The following SNX25 variants were observed in gnomAD, a reference collection of about 807,000 sequenced individuals.
SNX25 encodes the protein sorting nexin-25.
A neutral mutation model predicts 113.7 loss-of-function variants in SNX25; 62 were observed. The observed-to-expected ratio is 0.55, with a 90% confidence interval of 0.44 to 0.67. The LOEUF is 0.67. SNX25 is among the 30% of genes least tolerant of loss of function. SNX25 has a pLI of 0.00. For synonymous variants in SNX25, 421 were observed against 436.2 expected, an observed-to-expected ratio of 0.97 and a Z score of 0.43; for missense variants, 1,014 against 1,161.0, an observed-to-expected ratio of 0.87 and a Z score of 1.84.
At chr4:185,299,400 T>C (rs1420245619) in intron 6 of SNX25, among the ~76,000 whole-genome samples, 1 of 152,190 alleles carries the variant, frequency 6.6e-6, no homozygotes, top group East Asian at 1.9e-4. Flanking sequence ...TCTCAAGCTA[T>C]GGTGCACGTC....
chr4:185,273,550 G>A (rs1159805780), intron 5 of SNX25, among the ~76,000 whole-genome samples: 1 of 152,144 alleles, frequency 6.6e-6, no homozygotes, highest in Admixed American at 6.5e-5. Flanking sequence ...GAACACCTAG[G>A]ATCAACTCTT....
At chr4:185,367,375 A>C (rs1299046071), downstream of SNX25, 1 of 733,692 alleles carries the variant, frequency 1.4e-6, no homozygotes, top group African/African-American at 1.8e-5. Context: ...AAATTTGTTA[A>C]GATACTTTCT....
At chr4:185,217,405 A>G (rs995572283) in intron 1 of SNX25, among the ~76,000 whole-genome samples, 4 of 152,232 alleles carry the variant, frequency 2.6e-5, no homozygotes, top group African/African-American at 9.6e-5. Flanking sequence ...AATAGGTTCA[A>G]GAATATTCTC....
At chr4:185,356,218 C>CT (rs1288015549) in intron 15 of SNX25, among the ~76,000 whole-genome samples, 1 of 151,928 alleles carries the variant, frequency 6.6e-6, no homozygotes, top group African/African-American at 2.4e-5. Flanking sequence ...GAGTAAGGGG[C>CT]TATCAGTGAT....
chr4:185,238,701 G>T (rs1743025731), intron 1 of SNX25, among the ~76,000 whole-genome samples: 1 of 152,158 alleles, frequency 6.6e-6, no homozygotes, highest in Non-Finnish European at 1.5e-5. Context: ...AACCATTTCA[G>T]TAGCTTTATA....
chr4:185,270,438 G>A (rs778327466), intron 5 of SNX25, among the ~76,000 whole-genome samples: 1 of 152,212 alleles, frequency 6.6e-6, no homozygotes, highest in Non-Finnish European at 1.5e-5. Context: ...TAGCACCTGG[G>A]TGCCCTGGGA....
chr4:185,335,601 G>A (rs2095225002), intron 10 of SNX25, among the ~76,000 whole-genome samples: 1 of 152,142 alleles, frequency 6.6e-6, no homozygotes, highest in East Asian at 1.9e-4. Context: ...TAGCTACTGG[G>A]TGGTAAAATT....
At chr4:185,278,027 C>T (rs1433077383) in intron 5 of SNX25, among the ~76,000 whole-genome samples, 1 of 45,216 alleles carries the variant, frequency 2.2e-5, no homozygotes, top group Non-Finnish European at 4.9e-5. Flanking sequence ...CCACCGCGCC[C>T]GGCCTTATTA....
chr4:185,255,932 T>C, intron 2 of SNX25, among the ~76,000 whole-genome samples: 1 of 152,226 alleles, frequency 6.6e-6, no homozygotes, highest in East Asian at 1.9e-4. Flanking sequence ...CCATTTCCGC[T>C]GTTTTTCCTT....
chr4:185,335,502 C>T (rs1301116050), intron 10 of SNX25, among the ~76,000 whole-genome samples: 1 of 152,156 alleles, frequency 6.6e-6, no homozygotes, highest in Non-Finnish European at 1.5e-5. Flanking sequence ...TCCTGTGAGA[C>T]ATAGTGGTGC....
chr4:185,340,921 C>T (rs547670555), intron 11 of SNX25, among the ~76,000 whole-genome samples: 430 of 152,266 alleles, frequency 2.8e-3, no homozygotes, highest in African/African-American at 9.3e-3. Flanking sequence ...TCAAGCTGGA[C>T]GTGCCTGTAT....
At chr4:185,315,398 A>G (rs528463794) in intron 7 of SNX25, among the ~76,000 whole-genome samples, 2 of 149,388 alleles carry the variant, frequency 1.3e-5, no homozygotes, top group African/African-American at 2.5e-5. Context: ...GATTCAAGCA[A>G]TTCTCCTCCC....
rs1378578890 is a variant in SNX25, at chr4:185,363,045, G to A, written c.2934+334G>A. Among the ~76,000 whole-genome samples the A allele has an allele frequency of 6.6e-6, 1 of 152,026 alleles. No individual in the cohort carries two copies. Among genetic ancestry groups the A allele is most frequent in the Non-Finnish European group, 1.5e-5 (1 of 68,016 alleles). On this transcript the variant is annotated intron_variant, in intron 18 of 18. Coordinates refer to ENST00000652585, the MANE Select transcript of SNX25 (RefSeq NM_001378034.2). This position sits in a 1 kb window ranked among gnomAD's most constrained non-coding sequence, Gnocchi z 4.2. ...TTTAGTAGAGATGGGGTTTCGCCAT[G>A]TTGGCTGGGATGGTCTCTAACTCCT...
At chr4:185,377,174 T>A in the SNX25 span, 1 of 626,148 alleles carries the variant, frequency 1.6e-6, no homozygotes, top group Admixed American at 2.7e-5. Context: ...GAAGAAATAT[T>A]ACCTGAAAAA....
At chr4:185,225,231 G>A (rs1157761873) in intron 1 of SNX25, among the ~76,000 whole-genome samples, 2 of 149,680 alleles carry the variant, frequency 1.3e-5, no homozygotes, top group Non-Finnish European at 2.9e-5. Context: ...CCATTCTCCT[G>A]CCTTAGCCTT....
chr4:185,350,590 C>T (rs1324612445), intron 13 of SNX25, among the ~76,000 whole-genome samples: 4 of 152,182 alleles, frequency 2.6e-5, no homozygotes, highest in Admixed American at 6.5e-5. Context: ...TGGCCAGGCA[C>T]GGTGGCTCAC....
chr4:185,265,462 TAAAC>T (rs1160850909), intron 4 of SNX25, among the ~76,000 whole-genome samples: 1 of 152,172 alleles, frequency 6.6e-6, no homozygotes, highest in Admixed American at 6.5e-5. Flanking sequence ...GTATAAAAGA[TAAAC>T]AACAGTACAC....
chr4:185,355,897 T>C (rs1297702860), intron 15 of SNX25, among the ~76,000 whole-genome samples: 1 of 152,180 alleles, frequency 6.6e-6, no homozygotes, highest in Admixed American at 6.5e-5. Flanking sequence ...GTACAGAGCT[T>C]AAGAGATACA....
At chr4:185,326,384 C>T (rs1024491611) in intron 9 of SNX25, among the ~76,000 whole-genome samples, 5 of 152,072 alleles carry the variant, frequency 3.3e-5, no homozygotes, top group African/African-American at 1.2e-4. Flanking sequence ...CATTTGAGAG[C>T]ACCTGTTAGA....
Sources: allele counts gnomAD v4.1 joint callset (sites outside exome capture counted in the v4.1 genomes callset), GRCh38; gene constraint gnomAD v4.1.1; non-coding constraint Gnocchi (gnomAD v3.1); transcripts MANE v1.5; gene names NCBI Gene and HGNC (gene_info 2026-07-23, HGNC 2026-07-21).